MALRD1: variants seen among roughly 807,000 people sequenced by gnomAD.
MALRD1 encodes MAM and LDL receptor class A domain containing 1.
A neutral mutation model predicts 242.1 loss-of-function variants in MALRD1; 247 were observed. That is an observed-to-expected ratio of 1.02 (90% CI 0.92 to 1.13). The LOEUF is 1.13. Ranked by LOEUF, MALRD1 falls within the 50% of genes most tolerant of loss-of-function variation. The probability of loss-of-function intolerance (pLI) is 0.00; values close to 1 mark genes in which losing one functional copy is unlikely to be tolerated. For missense variants in MALRD1, 2,989 were observed against 2,533.1 expected (o/e 1.18, Z -3.86); for synonymous variants, 995 against 866.6 (o/e 1.15, Z -2.60).
Position 19,389,230 on chromosome 10 carries a change from C to A in MALRD1, c.4688-222C>A, listed in dbSNP as rs1408121481. 5 of 651,994 alleles carry A rather than the reference C, an allele frequency of 7.7e-6. No individual in the cohort carries two copies. In the African/African-American group the frequency reaches 8.9e-5, roughly 12 times the overall value. The allele number at this position is 651,994 out of a possible 1,614,324, so 40.4% of individuals were successfully genotyped here. On this transcript the variant is annotated intron_variant, in intron 27 of 39. Coordinates refer to ENST00000454679, the MANE Select transcript of MALRD1 (RefSeq NM_001142308.3). ...TAAATATCCCATCAGATCAGTTAAT[C>A]TGCATACTGTGAAGCACGTGCTAAA...
intron 1 of MALRD1, among the ~76,000 whole-genome samples, chr10:19,063,934 A>C (rs896382247): frequency 6.6e-6 from 1 of 152,040 alleles, no homozygotes; most frequent in African/African-American, 2.4e-5. Context: ...CCTAAAACTT[A>C]AAGTATCATA....
Position 19,243,530 on chromosome 10 carries a change from G to A in MALRD1, c.2992-14154G>A, listed in dbSNP as rs138308987. 1.9e-3 allele frequency among the ~76,000 whole-genome samples: 282 copies of A among 152,120 alleles called. 2 individuals carry two copies. The highest frequency in any genetic ancestry group is 6.4e-3 in the African/African-American group (267 of 41,508). On this transcript the variant is annotated intron_variant, in intron 18 of 39. Coordinates refer to ENST00000454679, the MANE Select transcript of MALRD1 (RefSeq NM_001142308.3). Reference sequence around the variant, plus strand: ...GTTGCTCTTCTTACCCTTAGAGATTGTGTATTATCCTCAGACGTAATTCTT... The same window carrying A: ...GTTGCTCTTCTTACCCTTAGAGATTATGTATTATCCTCAGACGTAATTCTT...
intron 18 of MALRD1, among the ~76,000 whole-genome samples, chr10:19,226,804 T>G (rs1837820797): frequency 6.6e-6 from 1 of 152,080 alleles, no homozygotes; most frequent in South Asian, 2.1e-4. Context: ...GCTAGAGGTA[T>G]GAAGTGAATT....
At chr10:19,423,262 G>A (rs919480789) in intron 28 of MALRD1, among the ~76,000 whole-genome samples, 1 of 151,734 alleles carries the variant, frequency 6.6e-6, no homozygotes, top group Non-Finnish European at 1.5e-5. Context: ...AATCCTGTTT[G>A]CTCAGTTTGA....
chr10:19,419,107 C>T (rs1429980485), intron 28 of MALRD1, among the ~76,000 whole-genome samples: 2 of 152,168 alleles, frequency 1.3e-5, no homozygotes, highest in African/African-American at 2.4e-5. Context: ...TTCCACATCT[C>T]CATCCTTTGC....
chr10:19,100,350 G>A (rs912694947), intron 4 of MALRD1, among the ~76,000 whole-genome samples: 1 of 151,896 alleles, frequency 6.6e-6, no homozygotes, highest in African/African-American at 2.4e-5. Context: ...AAGTTAACAT[G>A]TAATTTAACA....
intron 38 of MALRD1, among the ~76,000 whole-genome samples, chr10:19,713,889 G>A (rs1834256603): frequency 6.6e-6 from 1 of 152,196 alleles, no homozygotes; most frequent in Admixed American, 6.5e-5. Context: ...AATGGGAAAA[G>A]TCCCTTTATT....
At chr10:19,138,630 G>A (rs1223122195) in intron 10 of MALRD1, among the ~76,000 whole-genome samples, 2 of 151,978 alleles carry the variant, frequency 1.3e-5, no homozygotes, top group Admixed American at 6.6e-5. Flanking sequence ...ATGTTGGCCA[G>A]GCTGGTCTTG....
At chr10:19,236,336 C>T (rs1838315678) in intron 18 of MALRD1, among the ~76,000 whole-genome samples, 1 of 152,136 alleles carries the variant, frequency 6.6e-6, no homozygotes, top group Non-Finnish European at 1.5e-5. Flanking sequence ...CTCACTTAAG[C>T]AGGTGGGATG....
chr10:19,318,273 T>C (rs1020833776), intron 21 of MALRD1, among the ~76,000 whole-genome samples: 1 of 152,070 alleles, frequency 6.6e-6, no homozygotes, highest in Non-Finnish European at 1.5e-5. Flanking sequence ...CCAAATGATA[T>C]ATTGCTACAT....
chr10:19,158,362 A>G (rs1834255881), intron 12 of MALRD1, among the ~76,000 whole-genome samples: 1 of 152,192 alleles, frequency 6.6e-6, no homozygotes, highest in African/African-American at 2.4e-5. Flanking sequence ...AATTACATTA[A>G]TATTCCTTCA....
chr10:19,179,022 C>G (rs1016061218), intron 14 of MALRD1, among the ~76,000 whole-genome samples: 1 of 152,186 alleles, frequency 6.6e-6, no homozygotes, highest in Non-Finnish European at 1.5e-5. Context: ...TGAATGAAAA[C>G]GTCCTGCTAA....
chr10:19,687,757 A>G (rs1409725547), intron 36 of MALRD1, among the ~76,000 whole-genome samples: 1 of 152,208 alleles, frequency 6.6e-6, no homozygotes, highest in Non-Finnish European at 1.5e-5. Context: ...TTCCTTTTAG[A>G]GACAATGACT....
chr10:19,482,770 C>T (rs991279547), intron 29 of MALRD1, among the ~76,000 whole-genome samples: 17 of 122,366 alleles, frequency 1.4e-4, no homozygotes, highest in African/African-American at 5.5e-4. Context: ...CTATAAAATC[C>T]TTCTGAAAGT....
At chr10:19,316,910 A>C (rs942368637) in intron 21 of MALRD1, among the ~76,000 whole-genome samples, 1 of 151,718 alleles carries the variant, frequency 6.6e-6, no homozygotes, top group Non-Finnish European at 1.5e-5. Context: ...AAAATAACTA[A>C]AGGAATATGA....
intron 33 of MALRD1, 87 bp from the exon 34 acceptor site, chr10:19,595,107 A>G: frequency 2.3e-6 from 3 of 1,297,258 alleles, no homozygotes; most frequent in Non-Finnish European, 3.1e-6. Context: ...CATTTTATAC[A>G]ATAAGAAATG....
intron 18 of MALRD1, among the ~76,000 whole-genome samples, chr10:19,245,718 A>G (rs1044123883): frequency 2.6e-5 from 4 of 152,152 alleles, no homozygotes; most frequent in African/African-American, 9.7e-5. Flanking sequence ...ACCAATATCA[A>G]AAGCTCCAGA....
chr10:19,527,084 C>A (rs890070143), intron 31 of MALRD1, among the ~76,000 whole-genome samples: 4 of 152,070 alleles, frequency 2.6e-5, no homozygotes, highest in Non-Finnish European at 4.4e-5. Context: ...AGTAATTTTC[C>A]AAGTACCTGC....
At chr10:19,442,953 C>CT (rs935154689) in intron 28 of MALRD1, among the ~76,000 whole-genome samples, 3 of 152,068 alleles carry the variant, frequency 2.0e-5, no homozygotes, top group Middle Eastern at 6.3e-3. Context: ...TCGTCCTGGA[C>CT]TTTTTTTGGT....
Sources: allele counts gnomAD v4.1 joint callset (sites outside exome capture counted in the v4.1 genomes callset), GRCh38; gene constraint gnomAD v4.1.1; transcripts MANE v1.5; gene names NCBI Gene and HGNC (gene_info 2026-07-23, HGNC 2026-07-21).